Variants in IL1RAP observed in about 807,000 individuals in gnomAD.
The protein encoded by IL1RAP is interleukin-1 receptor accessory protein.
Under a neutral mutation model 60.7 loss-of-function variants are expected in IL1RAP, and 35 were observed. The ratio of observed to expected loss-of-function variants is 0.58; its 90% CI spans 0.44 to 0.76. The LOEUF is 0.76. IL1RAP is among the 30% of genes least tolerant of loss of function. IL1RAP has a pLI of 0.00. For missense variants in IL1RAP, 572 were observed against 693.9 expected (o/e 0.82, Z 1.97); for synonymous variants, 268 against 250.9 (o/e 1.07, Z -0.64).
At chr3:190,590,290 C>A (rs1577674165) in intron 3 of IL1RAP, among the ~76,000 whole-genome samples, 1 of 150,426 alleles carries the variant, frequency 6.6e-6, no homozygotes, top group Non-Finnish European at 1.5e-5. Flanking sequence ...GAGTCTTGCT[C>A]TGTTGCCCAG....
rs368512892 is a variant in IL1RAP at position 190,620,443 on chromosome 3, A to G, written c.703+3A>G. 18 of 1,609,130 alleles carry G rather than the reference A, an allele frequency of 1.1e-5. No individual in the cohort carries two copies. In the African/African-American group the frequency reaches 2.0e-4, roughly 18 times the overall value. ...GACTCTGACTGTAAAGGTAGTAGGTAAGCATGATTAGTGTCCAGTACACAC... is the reference window on the plus strand; with the variant it reads ...GACTCTGACTGTAAAGGTAGTAGGTGAGCATGATTAGTGTCCAGTACACAC... On this transcript the variant is annotated splice_donor_region_variant and intron_variant, in intron 6 of 11. Coordinates refer to ENST00000447382, the MANE Select transcript of IL1RAP (RefSeq NM_002182.4).
At chr3:190,622,082 T>A (rs905616212) in intron 6 of IL1RAP, among the ~76,000 whole-genome samples, 1 of 152,246 alleles carries the variant, frequency 6.6e-6, no homozygotes, top group African/African-American at 2.4e-5. Flanking sequence ...AATACTTATT[T>A]AACCAGCTTC....
At chr3:190,602,183 A>T (rs1365583519) in intron 3 of IL1RAP, among the ~76,000 whole-genome samples, 1 of 152,202 alleles carries the variant, frequency 6.6e-6, no homozygotes, top group African/African-American at 2.4e-5. Context: ...AAAATATAAA[A>T]TGGGTATACA....
intron 3 of IL1RAP, among the ~76,000 whole-genome samples, chr3:190,577,398 A>G (rs1727587796): frequency 6.6e-6 from 1 of 152,174 alleles, no homozygotes; most frequent in Non-Finnish European, 1.5e-5. Context: ...AGTCATTTGA[A>G]GTTGGCTTTG....
At chr3:190,653,161 A>T (rs1190189292), downstream of IL1RAP, among the ~76,000 whole-genome samples, 1 of 152,226 alleles carries the variant, frequency 6.6e-6, no homozygotes, top group Non-Finnish European at 1.5e-5. Context: ...ATAAATCCAC[A>T]TAGTAAGATG....
intron 1 of IL1RAP, among the ~76,000 whole-genome samples, chr3:190,532,958 T>G (rs1291958667): frequency 6.6e-6 from 1 of 152,212 alleles, no homozygotes; most frequent in African/African-American, 2.4e-5. Context: ...TTTAATGACA[T>G]TCTCATTTCC....
At chr3:190,633,082 AT>A (rs55926905) in intron 9 of IL1RAP, among the ~76,000 whole-genome samples, 101,814 of 151,774 alleles carry the variant, frequency 0.67, 34,686 homozygotes, top group East Asian at 0.83. Flanking sequence ...GGAACCATAT[AT>A]TTTTTTTCGT....
At chr3:190,528,095 T>C (rs1722670238) in intron 1 of IL1RAP, among the ~76,000 whole-genome samples, 1 of 152,174 alleles carries the variant, frequency 6.6e-6, no homozygotes, top group Non-Finnish European at 1.5e-5. Flanking sequence ...TACTTAATCT[T>C]AGTTATGCAG....
chr3:190,635,300 AT>A (rs1397123895), intron 9 of IL1RAP, among the ~76,000 whole-genome samples: 10 of 151,382 alleles, frequency 6.6e-5, no homozygotes, highest in African/African-American at 2.2e-4. Context: ...AATTTTGCTA[AT>A]TTTTTCAATG....
At chr3:190,573,656 C>A (rs3773973) in intron 3 of IL1RAP, among the ~76,000 whole-genome samples, 21,532 of 152,164 alleles carry the variant, frequency 0.14, 1,636 homozygotes, top group East Asian at 0.26. Flanking sequence ...AAAAAGGATT[C>A]TTCCTCTCAT....
At chr3:190,557,213 C>G (rs967137375) in intron 2 of IL1RAP, among the ~76,000 whole-genome samples, 1 of 152,178 alleles carries the variant, frequency 6.6e-6, no homozygotes, top group African/African-American at 2.4e-5. Flanking sequence ...CTAGGAACTG[C>G]AAGTTCAGTG....
intron 9 of IL1RAP, chr3:190,629,706 G>A (rs964643143): frequency 2.9e-5 from 37 of 1,261,856 alleles, no homozygotes; most frequent in Non-Finnish European, 3.4e-5. Context: ...TGTTAGTACC[G>A]TAATGCCCAA....
chr3:190,548,365 TATATC>T (rs1189890996), intron 1 of IL1RAP, among the ~76,000 whole-genome samples: 1 of 152,202 alleles, frequency 6.6e-6, no homozygotes, highest in African/African-American at 2.4e-5. Context: ...TTGTGATCCT[TATATC>T]ATCCTATGAG....
chr3:190,615,455 C>G, intron 5 of IL1RAP: 1 of 377,128 alleles, frequency 2.7e-6, no homozygotes, highest in Non-Finnish European at 5.0e-6. Context: ...AATTCTCTTC[C>G]TTATAGTTTG....
intron 9 of IL1RAP, among the ~76,000 whole-genome samples, chr3:190,634,715 T>TG (rs1314458918): frequency 5.6e-5 from 8 of 142,782 alleles, no homozygotes; most frequent in African/African-American, 2.3e-4. Context: ...GTGTTTTTTT[T>TG]TTTGTTGTTG....
chr3:190,620,940 G>C (rs1337243480), intron 6 of IL1RAP, among the ~76,000 whole-genome samples: 1 of 152,154 alleles, frequency 6.6e-6, no homozygotes, highest in African/African-American at 2.4e-5. Context: ...TATTGCTGAA[G>C]GTATTTGCTG....
chr3:190,630,308 T>C, intron 9 of IL1RAP: 1 of 555,330 alleles, frequency 1.8e-6, no homozygotes, highest in Non-Finnish European at 2.3e-6. Context: ...TAAAACTTTC[T>C]TTGTGTCTCT....
chr3:190,648,322 T>C lies in IL1RAP; in HGVS notation c.1346-16T>C. 6.4e-7 allele frequency: 1 copy of C among 1,561,642 alleles called. No individual in the cohort carries two copies. Among genetic ancestry groups the C allele is most frequent in the Non-Finnish European group, 8.6e-7 (1 of 1,161,228 alleles). On this transcript the variant is annotated splice_polypyrimidine_tract_variant and intron_variant, in intron 11 of 11. Transcript: ENST00000447382. ...TTTTGGCCAACACTAATCCCCATGG[T>C]TGTTTTCTTTCCCAGTTGTCACAGA...
At chr3:190,576,425 G>T (rs1462057952) in intron 3 of IL1RAP, among the ~76,000 whole-genome samples, 1 of 151,970 alleles carries the variant, frequency 6.6e-6, no homozygotes, top group Non-Finnish European at 1.5e-5. Context: ...AATTGGCAAA[G>T]ATTTGAAACT....
Sources: gnomAD v4.1 joint callset for allele counts (sites outside exome capture counted in the v4.1 genomes callset) on GRCh38, gnomAD v4.1.1 for gene constraint, MANE v1.5 for transcripts, NCBI Gene and HGNC (gene_info 2026-07-23, HGNC 2026-07-21) for gene names.